The following GTF2IRD1 variants were observed in gnomAD, a reference collection of about 807,000 sequenced individuals.
GTF2IRD1 encodes the protein general transcription factor II-I repeat domain-containing protein 1.
GTF2IRD1 carries 26 observed loss-of-function variants against 113.2 expected under a neutral mutation model. The ratio of observed to expected loss-of-function variants is 0.23; its 90% CI spans 0.17 to 0.32. The LOEUF is 0.32. GTF2IRD1 is among the 10% of genes least tolerant of loss of function. The pLI, the probability that GTF2IRD1 is intolerant of heterozygous loss-of-function variation, is 1.00. For missense variants in GTF2IRD1, 864 were observed against 1,280.8 expected, an observed-to-expected ratio of 0.67 and a Z score of 4.97; for synonymous variants, 484 against 529.1, an observed-to-expected ratio of 0.91 and a Z score of 1.17.
At chr7:74,490,490 G>C (rs918689925) in intron 1 of GTF2IRD1, among the ~76,000 whole-genome samples, 5 of 151,958 alleles carry the variant, frequency 3.3e-5, no homozygotes, top group Admixed American at 6.6e-5. Flanking sequence ...GAGCCTCTGG[G>C]ACTAGAGAGG....
intron 5 of GTF2IRD1, 55 bp downstream of exon 5, chr7:74,518,377 G>A: frequency 7.0e-7 from 1 of 1,427,816 alleles, no homozygotes; most frequent in Non-Finnish European, 9.5e-7. Flanking sequence ...GGCCGGGTCA[G>A]GGCCGGGGGC....
At chr7:74,539,641 G>A (rs1176575644) in intron 13 of GTF2IRD1, among the ~76,000 whole-genome samples, 1 of 152,152 alleles carries the variant, frequency 6.6e-6, no homozygotes, top group Admixed American at 6.5e-5. Context: ...CTACTCAGGA[G>A]GCTGAGGCAG....
At chr7:74,557,825 A>C in intron 20 of GTF2IRD1, 103 bp downstream of exon 20, 1 of 686,206 alleles carries the variant, frequency 1.5e-6, no homozygotes. Context: ...GAAACAATTC[A>C]CCCCTTTACA....
intron 17 of GTF2IRD1, among the ~76,000 whole-genome samples, chr7:74,547,630 G>A (rs1466076102): frequency 6.6e-6 from 1 of 151,728 alleles, no homozygotes; most frequent in Admixed American, 6.6e-5. Context: ...GTGGAGACAG[G>A]GTTTCACCAT....
chr7:74,478,598 G>T (rs1794563965), intron 1 of GTF2IRD1, among the ~76,000 whole-genome samples: 1 of 152,144 alleles, frequency 6.6e-6, no homozygotes, highest in South Asian at 2.1e-4. Context: ...TGGGATTACA[G>T]GCACATGCCA....
chr7:74,544,341 A>G (rs2130644570), intron 14 of GTF2IRD1, among the ~76,000 whole-genome samples: 1 of 152,198 alleles, frequency 6.6e-6, no homozygotes, highest in South Asian at 2.1e-4. Context: ...ATGCGCCACC[A>G]TGCCCAGCCA....
At position 74,537,567 on chromosome 7, in the gene GTF2IRD1, G is replaced by A. The variant is rs191443117; in HGVS notation, c.1410-569G>A. Among the ~76,000 whole-genome samples the A allele has an allele frequency of 4.9e-4, 74 of 152,230 alleles. 1 individual carries two copies. The highest frequency in any genetic ancestry group is 5.9e-5 in the Non-Finnish European group (4 of 68,028). On this transcript the variant is annotated intron_variant, in intron 11 of 26. Transcript: ENST00000424337. ...GAGTGCCCACCAGACCCTGCCCCCA[G>A]CACTCAGCTTGGCTACCATCCACCA...
intron 25 of GTF2IRD1, among the ~76,000 whole-genome samples, chr7:74,598,384 G>A (rs782164264): frequency 6.6e-6 from 1 of 151,618 alleles, no homozygotes; most frequent in Non-Finnish European, 1.5e-5. Flanking sequence ...GGAGGCAGGT[G>A]GATCACCTGA....
intron 17 of GTF2IRD1, among the ~76,000 whole-genome samples, chr7:74,550,476 T>A (rs1799244552): frequency 6.6e-6 from 1 of 151,402 alleles, no homozygotes; most frequent in Non-Finnish European, 1.5e-5. Flanking sequence ...TAGTCCCAGC[T>A]ACTTGGGAGG....
At chr7:74,540,036 G>A (rs1798542948) in intron 14 of GTF2IRD1, 68 bp downstream of exon 14, 3 of 1,134,788 alleles carry the variant, frequency 2.6e-6, no homozygotes, top group Non-Finnish European at 4.0e-6. Flanking sequence ...GAAAGGGGTG[G>A]GCCAGGCCGT....
At chr7:74,506,454 T>G (rs1796301571) in intron 1 of GTF2IRD1, 1 of 152,234 alleles carries the variant, frequency 6.6e-6, no homozygotes, top group Admixed American at 6.5e-5. Context: ...GGGCCTTCCC[T>G]ACCCCATTGG....
intron 8 of GTF2IRD1, 144 bp downstream of exon 8, chr7:74,524,298 C>T (rs1252674167): frequency 6.1e-5 from 37 of 609,182 alleles, no homozygotes; most frequent in African/African-American, 3.2e-4. Context: ...TCATCCGTCG[C>T]GGGCTCCTCC....
chr7:74,512,751 A>C lies in GTF2IRD1; in HGVS notation c.124-79A>C. The C allele has an allele frequency of 1.4e-6, 2 of 1,403,142 alleles. No individual in the cohort carries two copies. Among genetic ancestry groups the C allele is most frequent in the Non-Finnish European group, 2.0e-6 (2 of 1,017,732 alleles). The allele number at this position is 1,403,142 out of a possible 1,614,324, so 86.9% of individuals were successfully genotyped here. Reference sequence around the variant, plus strand: ...GGGTCTCAGGCAGCTGGGAGCTCACATCCCACCCCCGAAGTGGATACTAGA... The same window carrying C: ...GGGTCTCAGGCAGCTGGGAGCTCACCTCCCACCCCCGAAGTGGATACTAGA... On this transcript the variant is annotated intron_variant, in intron 2 of 26. Transcript: ENST00000424337. This position sits in a 1 kb window ranked among gnomAD's most constrained non-coding sequence, Gnocchi z 4.4.
intron 7 of GTF2IRD1, among the ~76,000 whole-genome samples, chr7:74,522,013 C>T (rs1263294518): frequency 4.6e-5 from 7 of 152,160 alleles, no homozygotes; most frequent in Middle Eastern, 3.4e-3. Context: ...CCTCAGTCCC[C>T]CACCATGTGG....
chr7:74,507,793 G>A (rs542635603), intron 1 of GTF2IRD1: 163 of 361,066 alleles, frequency 4.5e-4, no homozygotes, highest in Middle Eastern at 8.1e-4. Context: ...AGAGGTGGCA[G>A]TTGGGGCCTG....
chr7:74,487,343 A>T (rs1795091083), intron 1 of GTF2IRD1: 1 of 152,188 alleles, frequency 6.6e-6, no homozygotes, highest in South Asian at 2.1e-4. Flanking sequence ...GGCCAGGGTA[A>T]CTTCTCTCTT....
intron 25 of GTF2IRD1, among the ~76,000 whole-genome samples, chr7:74,598,051 CG>C (rs1802528177): frequency 6.6e-6 from 1 of 152,100 alleles, no homozygotes. Context: ...ACCCTCCCTC[CG>C]TCTCTGCAAA....
chr7:74,535,793 G>A (rs782492081), intron 10 of GTF2IRD1, among the ~76,000 whole-genome samples: 2 of 152,186 alleles, frequency 1.3e-5, no homozygotes, highest in East Asian at 1.9e-4. Flanking sequence ...CTCCTGGCAC[G>A]ATGACATGAG....
intron 16 of GTF2IRD1, among the ~76,000 whole-genome samples, chr7:74,546,754 G>A (rs1205929691): frequency 7.2e-6 from 1 of 139,426 alleles, no homozygotes; most frequent in African/African-American, 2.6e-5. Context: ...GAGGCCCAGT[G>A]GACTCGGGGA....
Sources: gnomAD v4.1 joint callset for allele counts (sites outside exome capture counted in the v4.1 genomes callset) on GRCh38, gnomAD v4.1.1 for gene constraint, Gnocchi (gnomAD v3.1) non-coding constraint, MANE v1.5 for transcripts, NCBI Gene and HGNC (gene_info 2026-07-23, HGNC 2026-07-21) for gene names.